The following IPO11 variants were observed in gnomAD, a reference collection of about 807,000 sequenced individuals.
IPO11 encodes importin 11.
In IPO11, 66 loss-of-function variants were observed where a neutral mutation model predicts 143.2. The observed-to-expected ratio is 0.46, with a 90% CI of 0.38 to 0.57. The LOEUF (loss-of-function observed/expected upper bound fraction) is 0.57. Among genes scored for constraint, IPO11 ranks in the 20% least tolerant of loss-of-function variants. The pLI, the probability that IPO11 is intolerant of heterozygous loss-of-function variation, is 0.00. For synonymous variants in IPO11, 385 were observed against 377.8 expected, an observed-to-expected ratio of 1.02 and a Z score of -0.22; for missense variants, 1,026 against 1,141.0, an observed-to-expected ratio of 0.90 and a Z score of 1.45.
At position 62,540,285 on chromosome 5, in the gene IPO11, TA is replaced by T. The variant is rs147190718; in HGVS notation, c.2250+2997del. ...TACTTTGGTCTTCATTTTCCTCAGT[TA>T]TTAGATGAGGAGTGATACTAAATGA... On this transcript the variant is annotated intron_variant, in intron 24 of 29. Coordinates refer to ENST00000325324, the MANE Select transcript of IPO11 (RefSeq NM_016338.5). Among the ~76,000 whole-genome samples, 672 of 152,282 alleles carry T rather than the reference TA, an allele frequency of 4.4e-3. 7 individuals are homozygous for T. The highest frequency in any genetic ancestry group is 0.016 in the African/African-American group (648 of 41,550).
chr5:62,479,626 C>CA (rs1345590670), intron 9 of IPO11, among the ~76,000 whole-genome samples: 1 of 152,164 alleles, frequency 6.6e-6, no homozygotes, highest in East Asian at 1.9e-4. Flanking sequence ...TAATGGTCGC[C>CA]ATTCTAACTG....
At chr5:62,535,017 A>ATATTTATTTATTTATTTATTTATTTATT (rs70981023) in intron 22 of IPO11, among the ~76,000 whole-genome samples, 2 of 142,640 alleles carry the variant, frequency 1.4e-5, no homozygotes, top group Admixed American at 7.1e-5. Context: ...TATAATATTA[A>ATATTTATTTATTTATTTATTTATTTATT]TATTTATTTA....
chr5:62,602,539 A>G (rs1011664986), intron 29 of IPO11, among the ~76,000 whole-genome samples: 4 of 152,146 alleles, frequency 2.6e-5, no homozygotes, highest in Admixed American at 6.5e-5. Flanking sequence ...AAACAATTGT[A>G]TCTACCTCAT....
At chr5:62,467,461 A>G (rs1050655084) in intron 6 of IPO11, among the ~76,000 whole-genome samples, 198 bp downstream of exon 6, 1 of 43,500 alleles carries the variant, frequency 2.3e-5, no homozygotes. Context: ...GAAAGCACAT[A>G]TAATAAGTTG....
chr5:62,460,485 T>C (rs1370875509), intron 5 of IPO11, among the ~76,000 whole-genome samples: 1 of 152,250 alleles, frequency 6.6e-6, no homozygotes, highest in Non-Finnish European at 1.5e-5. Flanking sequence ...AATTATTTAA[T>C]ACATGAACTT....
chr5:62,459,198 A>G (rs1019010986), intron 5 of IPO11, among the ~76,000 whole-genome samples: 1 of 152,072 alleles, frequency 6.6e-6, no homozygotes, highest in African/African-American at 2.4e-5. Flanking sequence ...TGTTGCTAGG[A>G]TAAGAGACTT....
intron 22 of IPO11, among the ~76,000 whole-genome samples, 168 bp downstream of exon 22, chr5:62,530,953 G>A (rs1180876387): frequency 6.6e-6 from 1 of 152,156 alleles, no homozygotes; most frequent in Non-Finnish European, 1.5e-5. Context: ...GTGATGTTGA[G>A]GTTTGGGGTA....
intron 11 of IPO11, among the ~76,000 whole-genome samples, 156 bp downstream of exon 11, chr5:62,484,318 G>A (rs1362441140): frequency 1.3e-5 from 2 of 152,114 alleles, no homozygotes; most frequent in African/African-American, 2.4e-5. Context: ...TTATCCATTA[G>A]AACAAATTGA....
intron 3 of IPO11, 59 bp downstream of exon 3, chr5:62,443,142 G>GT: frequency 9.3e-7 from 1 of 1,075,452 alleles, no homozygotes; most frequent in South Asian, 1.4e-5. Flanking sequence ...TCAGGAAGGT[G>GT]TAAGAATACT....
At chr5:62,606,015 G>T (rs1266641188) in intron 29 of IPO11, among the ~76,000 whole-genome samples, 2 of 152,030 alleles carry the variant, frequency 1.3e-5, no homozygotes, top group Non-Finnish European at 2.9e-5. Flanking sequence ...ACAGGTGTGA[G>T]CCACTCCACC....
At chr5:62,434,368 C>T (rs1241259155) in intron 1 of IPO11, among the ~76,000 whole-genome samples, 1 of 151,974 alleles carries the variant, frequency 6.6e-6, no homozygotes, top group African/African-American at 2.4e-5. Flanking sequence ...GTGGCGTGAT[C>T]ACAGCTCACT....
chr5:62,498,049 T>TA (rs768141002), intron 16 of IPO11, among the ~76,000 whole-genome samples: 4 of 152,180 alleles, frequency 2.6e-5, no homozygotes, highest in Non-Finnish European at 5.9e-5. Context: ...TGTTGTTTCT[T>TA]AAACAACAGC....
intron 16 of IPO11, among the ~76,000 whole-genome samples, chr5:62,500,314 C>T (rs1463211075): frequency 6.6e-6 from 1 of 152,078 alleles, no homozygotes; most frequent in African/African-American, 2.4e-5. Context: ...ATGCCTTCTC[C>T]TGTCATACCT....
intron 5 of IPO11, among the ~76,000 whole-genome samples, chr5:62,458,734 T>C (rs1452805771): frequency 5.3e-5 from 8 of 152,136 alleles, no homozygotes; most frequent in African/African-American, 1.7e-4. Flanking sequence ...AAAAAGAACT[T>C]TTTGGTGGGA....
intron 29 of IPO11, among the ~76,000 whole-genome samples, chr5:62,607,644 T>C (rs1012764932): frequency 1.3e-5 from 2 of 152,232 alleles, no homozygotes; most frequent in Non-Finnish European, 2.9e-5. Context: ...CCTTACCTTA[T>C]AGCATTCAGT....
At position 62,474,417 on chromosome 5, in the gene IPO11, G is replaced by C; in HGVS notation, c.710G>C (p.Gly237Ala). Residue 237 changes from glycine to alanine, a missense_variant and splice_region_variant, in exon 8 of 30, where the codon GGT becomes GCT. Gly to Ala is a moderately conservative substitution (Grantham distance 60). Around this residue, in one of 5 missense-constraint regions of IPO11, gnomAD observed 429 missense variants for 456.3 expected, o/e 0.94. Transcript: ENST00000325324. ...VEPHKNMEVM[G>A]FLHGIFERLK... Reference sequence around the variant, plus strand: ...ATTTAAAATAATATTCTTTTCTAGGGTTTTTTACATGGAATATTTGAACGT... The same window carrying C: ...ATTTAAAATAATATTCTTTTCTAGGCTTTTTTACATGGAATATTTGAACGT... The C allele has an allele frequency of 6.5e-7, 1 of 1,536,184 alleles. No homozygotes were observed. The highest frequency in any genetic ancestry group is 8.8e-7 in the Non-Finnish European group (1 of 1,132,792).
intron 27 of IPO11, among the ~76,000 whole-genome samples, chr5:62,570,237 G>T (rs1394178749): frequency 2.0e-5 from 3 of 152,098 alleles, no homozygotes; most frequent in African/African-American, 7.2e-5. Flanking sequence ...TCATTGAAGG[G>T]TTATAATCAT....
intron 5 of IPO11, among the ~76,000 whole-genome samples, chr5:62,460,163 A>G (rs1402218549): frequency 1.3e-5 from 2 of 152,236 alleles, no homozygotes; most frequent in Non-Finnish European, 2.9e-5. Context: ...GTAAAAAGTA[A>G]TTTAATATCA....
chr5:62,606,848 A>T (rs889031914), intron 29 of IPO11, among the ~76,000 whole-genome samples: 4 of 152,264 alleles, frequency 2.6e-5, no homozygotes, highest in Non-Finnish European at 4.4e-5. Context: ...CAAGCTTGGC[A>T]TCATAGTCTT....
Sources: allele counts gnomAD v4.1 joint callset (sites outside exome capture counted in the v4.1 genomes callset), GRCh38; gene constraint gnomAD v4.1.1; regional missense constraint gnomAD v4.1.1; transcripts MANE v1.5; gene names NCBI Gene and HGNC (gene_info 2026-07-23, HGNC 2026-07-21).